ALPK2: variants seen among roughly 807,000 people sequenced by gnomAD.
The protein encoded by ALPK2 is alpha-protein kinase 2.
ALPK2 carries 127 observed loss-of-function variants against 163.1 expected under a neutral mutation model. The ratio of observed to expected loss-of-function variants is 0.78; its 90% CI spans 0.67 to 0.90. The LOEUF is 0.90. Among genes scored for constraint, ALPK2 ranks in the 40% least tolerant of loss-of-function variants. The pLI is 0.00. For missense variants in ALPK2, 2,360 were observed against 2,589.6 expected, an observed-to-expected ratio of 0.91 and a Z score of 1.92; for synonymous variants, 953 against 959.1, an observed-to-expected ratio of 0.99 and a Z score of 0.12.
chr18:58,534,023 T>C (rs1421502464), intron 5 of ALPK2, among the ~76,000 whole-genome samples: 2 of 152,202 alleles, frequency 1.3e-5, no homozygotes, highest in South Asian at 2.1e-4. Context: ...CTCTTCTGAC[T>C]TCTACCAGGG....
Position 58,498,559 on chromosome 18 carries a change from G to C in ALPK2, c.6248-462C>G, listed in dbSNP as rs188265808. Among the ~76,000 whole-genome samples the C allele has an allele frequency of 1.4e-4, 22 of 152,302 alleles. No homozygotes were observed. In the East Asian group the frequency reaches 3.9e-3, roughly 27 times the overall value. Reference sequence around the variant, plus strand: ...GGGATAGTCAATGCCAATAGCAAGAGGGTTTGATATGGTTTGGCCATGTCC... The same window carrying C: ...GGGATAGTCAATGCCAATAGCAAGACGGTTTGATATGGTTTGGCCATGTCC... On this transcript the variant is annotated intron_variant, in intron 11 of 12. Coordinates refer to ENST00000361673, the MANE Select transcript of ALPK2 (RefSeq NM_052947.4).
Position 58,481,933 on chromosome 18 carries a change from T to C in ALPK2, c.6403A>G (p.Asn2135Asp). ...GGCTGCTTCTGTTTCTGGTTGTTGT[T>C]TTGAAGGGATTTCAGTCCCAGCATT... ...CKMLGLKSLQ[N>D]NNQKQKQPSI... Residue 2135 changes from asparagine (N) to aspartate (D), a missense_variant, in exon 13 of 13, where the codon AAC becomes GAC. Physicochemically the swap from Asn to Asp is conservative, Grantham distance 23 (BLOSUM62 1). Transcript: ENST00000361673. 6.2e-7 allele frequency: 1 copy of C among 1,614,220 alleles called. No individual in the cohort carries two copies. Among genetic ancestry groups the C allele is most frequent in the Non-Finnish European group, 8.5e-7 (1 of 1,180,034 alleles).
chr18:58,622,166 G>A (rs2052205031), intron 1 of ALPK2, among the ~76,000 whole-genome samples: 1 of 152,052 alleles, frequency 6.6e-6, no homozygotes, highest in Admixed American at 6.6e-5. Context: ...GGCCAACATG[G>A]TGAAACCCCA....
At chr18:58,595,909 C>T (rs1217643587) in intron 3 of ALPK2, among the ~76,000 whole-genome samples, 2 of 152,124 alleles carry the variant, frequency 1.3e-5, no homozygotes, top group Non-Finnish European at 2.9e-5. Context: ...GGTCCAAGAC[C>T]AGGCTCTGAG....
chr18:58,614,916 C>A (rs369844195), intron 1 of ALPK2, among the ~76,000 whole-genome samples: 6 of 152,298 alleles, frequency 3.9e-5, no homozygotes, highest in East Asian at 3.9e-4. Flanking sequence ...ACCCTCCCCC[C>A]CAACACACAC....
Position 58,516,969 on chromosome 18 carries a change from A to AT in ALPK2, c.5878dup (p.Ile1960AsnfsTer8). On this transcript the variant is annotated frameshift_variant, in exon 9 of 13. Transcript: ENST00000361673. Reference sequence around the variant, plus strand: ...ATCATTATTTCTGGTCCCATAGGCAATGGCATTGTGCACCTTAAGCACACA... The same window carrying AT: ...ATCATTATTTCTGGTCCCATAGGCAATTGGCATTGTGCACCTTAAGCACACA... 1 of 1,614,150 alleles carries AT rather than the reference A, an allele frequency of 6.2e-7. No homozygotes were observed. Among genetic ancestry groups the AT allele is most frequent in the South Asian group, 1.1e-5 (1 of 91,078 alleles).
chr18:58,618,610 T>C (rs1460861818), intron 1 of ALPK2, among the ~76,000 whole-genome samples: 1 of 152,244 alleles, frequency 6.6e-6, no homozygotes, highest in African/African-American at 2.4e-5. Context: ...GTAAGCACTA[T>C]GTAAGTGTTA....
At chr18:58,483,812 G>A (rs1040694790) in intron 12 of ALPK2, among the ~76,000 whole-genome samples, 7 of 150,064 alleles carry the variant, frequency 4.7e-5, no homozygotes, top group Admixed American at 2.0e-4. Flanking sequence ...TGATCCGCCC[G>A]CCTCGGCCTC....
At chr18:58,550,504 A>ATACAACCCCATCCCCCTCTCTATCACC (rs2051749807) in intron 4 of ALPK2, among the ~76,000 whole-genome samples, 2 of 15,310 alleles carry the variant, frequency 1.3e-4, no homozygotes. Flanking sequence ...TCTATATCAT[A>ATACAACCCCATCCCCCTCTCTATCACC]TACAACCCCA....
rs2052153025 is a variant in ALPK2, at chr18:58,614,389, A to G, written c.-20-2572T>C. ...ATTTCCAATTATTTTTGGTTATAGA[A>G]CTTCTTAAATGTAGCTGTGCAGAGG... On this transcript the variant is annotated intron_variant, in intron 1 of 12. Transcript: ENST00000361673. Among the ~76,000 whole-genome samples the G allele has an allele frequency of 2.0e-5, 3 of 152,304 alleles. No homozygotes were observed. In the South Asian group the frequency reaches 6.2e-4, roughly 32 times the overall value.
intron 3 of ALPK2, among the ~76,000 whole-genome samples, chr18:58,587,603 T>A (rs531627487): frequency 2.6e-5 from 4 of 151,978 alleles, no homozygotes; most frequent in Admixed American, 6.6e-5. Flanking sequence ...GTAACTGAAA[T>A]AAAAAATTCA....
chr18:58,596,368 C>A (rs8092143), intron 3 of ALPK2, among the ~76,000 whole-genome samples: 130,272 of 152,260 alleles, frequency 0.86, 56,133 homozygotes, highest in East Asian at 1. Flanking sequence ...ACTGGTGAGC[C>A]GAGGCAGCCA....
At chr18:58,515,340 C>A (rs1022911574) in intron 9 of ALPK2, among the ~76,000 whole-genome samples, 3 of 152,212 alleles carry the variant, frequency 2.0e-5, no homozygotes, top group African/African-American at 7.2e-5. Context: ...TATAAAATTT[C>A]TCGAGCCGGC....
At chr18:58,567,729 G>A (rs986126392) in intron 4 of ALPK2, among the ~76,000 whole-genome samples, 1 of 152,216 alleles carries the variant, frequency 6.6e-6, no homozygotes, top group Non-Finnish European at 1.5e-5. Flanking sequence ...AGAAAATTGA[G>A]CAGGAAAACA....
chr18:58,488,106 G>A (rs1301742808), intron 12 of ALPK2, among the ~76,000 whole-genome samples: 1 of 98,242 alleles, frequency 1.0e-5, no homozygotes, highest in Non-Finnish European at 2.3e-5. Context: ...CTACTCAAAA[G>A]TGGTGATCTA....
At chr18:58,487,721 C>G (rs1164169507) in intron 12 of ALPK2, among the ~76,000 whole-genome samples, 1 of 152,084 alleles carries the variant, frequency 6.6e-6, no homozygotes, top group Non-Finnish European at 1.5e-5. Flanking sequence ...ACTAAATGTA[C>G]TCCACTGAAC....
intron 10 of ALPK2, among the ~76,000 whole-genome samples, chr18:58,512,859 G>T (rs1360227858): frequency 2.1e-5 from 3 of 141,776 alleles, no homozygotes. Flanking sequence ...TGTGTGTGTG[G>T]TGTGTTGTAT....
At chr18:58,612,504 A>G (rs2052138312) in intron 1 of ALPK2, among the ~76,000 whole-genome samples, 1 of 152,254 alleles carries the variant, frequency 6.6e-6, no homozygotes, top group Non-Finnish European at 1.5e-5. Context: ...AAGGATAGTT[A>G]CTAATGTCTC....
chr18:58,560,123 G>A (rs1602218655), intron 4 of ALPK2, among the ~76,000 whole-genome samples: 1 of 152,206 alleles, frequency 6.6e-6, no homozygotes, highest in African/African-American at 2.4e-5. Context: ...TGTCATGGGA[G>A]GGACCCAGTG....
Sources: allele counts gnomAD v4.1 joint callset (sites outside exome capture counted in the v4.1 genomes callset), GRCh38; gene constraint gnomAD v4.1.1; transcripts MANE v1.5; gene names NCBI Gene and HGNC (gene_info 2026-07-23, HGNC 2026-07-21).